The following TNR variants were observed in gnomAD, a reference collection of about 807,000 sequenced individuals.
The protein encoded by TNR is tenascin-R.
Under a neutral mutation model 150.4 loss-of-function variants are expected in TNR, and 45 were observed. The ratio of observed to expected loss-of-function variants is 0.30; its 90% confidence interval spans 0.24 to 0.38. TNR has a LOEUF of 0.38. TNR is among the 10% of genes least tolerant of loss of function. TNR has a pLI of 1.00. For missense variants in TNR, 1,544 were observed against 1,759.1 expected (o/e 0.88, Z 2.19); for synonymous variants, 687 against 678.4 (o/e 1.01, Z -0.20).
intron 1 of TNR, among the ~76,000 whole-genome samples, chr1:175,673,666 A>T (rs1394123295): frequency 6.6e-6 from 1 of 152,364 alleles, no homozygotes; most frequent in Admixed American, 6.5e-5. Flanking sequence ...GGGCCTCACA[A>T]TCGAAGTGAG....
intron 3 of TNR, among the ~76,000 whole-genome samples, chr1:175,404,862 C>T (rs1653875789): frequency 6.6e-6 from 1 of 152,210 alleles, no homozygotes; most frequent in South Asian, 2.1e-4. Flanking sequence ...TGGACTTGCT[C>T]TTCTGTTCTG....
In TNR at chr1:175,315,816, G is replaced by GTGTGTGCA. The variant is rs1299888009; in HGVS notation, c.*7540_*7541insTGCACACA. On this transcript the variant is annotated 3_prime_UTR_variant, in exon 23 of 23. Transcript: ENST00000367674. ...TGCATGCATGTGTGTGTGTGCATGT[G>GTGTGTGCA]TGTGTGTGTGTGTGTGTGTGTGTGT... 7.4e-6 allele frequency: 1 copy of GTGTGTGCA among 134,418 alleles called. No individual in the cohort carries two copies. The highest frequency in any genetic ancestry group is 1.6e-5 in the Non-Finnish European group (1 of 64,356). The allele number at this position is 134,418 out of a possible 1,614,324, so 8.3% of individuals were successfully genotyped here. A position where few individuals can be genotyped will look rare whatever the true frequency, so the allele number is the denominator to read the frequency against.
intron 2 of TNR, among the ~76,000 whole-genome samples, chr1:175,409,654 T>C (rs114401404): frequency 0.014 from 2,131 of 152,342 alleles, 21 homozygotes; most frequent in South Asian, 0.043. Context: ...GCACTGATTA[T>C]TGATCACTTC....
intron 2 of TNR, among the ~76,000 whole-genome samples, chr1:175,467,891 C>T (rs917615043): frequency 6.6e-6 from 1 of 152,160 alleles, no homozygotes; most frequent in African/African-American, 2.4e-5. Context: ...AATGCAAATG[C>T]TAGTGAAAAA....
At chr1:175,567,983 A>G (rs1475399660) in intron 1 of TNR, among the ~76,000 whole-genome samples, 1 of 152,166 alleles carries the variant, frequency 6.6e-6, no homozygotes, top group East Asian at 1.9e-4. Flanking sequence ...ATGTCCCTAA[A>G]CCAGGGATAA....
intron 12 of TNR, 120 bp from the exon 13 acceptor site, chr1:175,363,947 C>T: frequency 8.0e-7 from 1 of 1,253,328 alleles, no homozygotes; most frequent in East Asian, 2.5e-5. Flanking sequence ...CAAGATCTTT[C>T]CATGTAATAG....
At chr1:175,558,827 T>C (rs1252407712) in intron 1 of TNR, among the ~76,000 whole-genome samples, 1 of 152,230 alleles carries the variant, frequency 6.6e-6, no homozygotes, top group East Asian at 1.9e-4. Context: ...GCAGTGAAAC[T>C]ACTTTGTGTG....
intron 1 of TNR, among the ~76,000 whole-genome samples, chr1:175,578,621 G>T (rs949184479): frequency 1.3e-5 from 2 of 152,170 alleles, no homozygotes; most frequent in Non-Finnish European, 2.9e-5. Context: ...GCTCCACCTT[G>T]GGTTCACTGC....
chr1:175,447,528 T>C (rs1016665424), intron 2 of TNR, among the ~76,000 whole-genome samples: 1 of 152,204 alleles, frequency 6.6e-6, no homozygotes, highest in African/African-American at 2.4e-5. Flanking sequence ...CTTTTGGAAC[T>C]TAGGAAACAT....
At position 175,547,609 on chromosome 1, in the gene TNR, G is replaced by C. The variant is rs765381268; in HGVS notation, c.-164-19240C>G. Among the ~76,000 whole-genome samples, 13 of 23,130 alleles carry C rather than the reference G, an allele frequency of 5.6e-4. No individual in the cohort carries two copies. The South Asian group carries it at 8.5e-3, about 15-fold the overall frequency. 15.2% of individuals were successfully genotyped at this position (23,130 alleles called of 152,430 possible). ...AGAAAGAAAGAAAGAAAGAAAGAAA[G>C]AAACAAAGAAACAAAGAAAGAAAGA... On this transcript the variant is annotated intron_variant, in intron 1 of 22. Coordinates refer to ENST00000367674, the MANE Select transcript of TNR (RefSeq NM_003285.3).
intron 2 of TNR, among the ~76,000 whole-genome samples, chr1:175,525,861 G>T (rs1160220573): frequency 6.6e-6 from 1 of 152,190 alleles, no homozygotes; most frequent in East Asian, 1.9e-4. Context: ...AGGGCAAATC[G>T]TGTTTTTAGG....
chr1:175,640,811 GATA>G (rs1664633465), intron 1 of TNR, among the ~76,000 whole-genome samples: 1 of 142,830 alleles, frequency 7.0e-6, no homozygotes, highest in Non-Finnish European at 1.5e-5. Context: ...ATATATATAT[GATA>G]ATAAGCCTTA....
At position 175,654,349 on chromosome 1, in the gene TNR, T is replaced by A. The variant is rs138211529; in HGVS notation, c.-165+88877A>T. Among the ~76,000 whole-genome samples the A allele has an allele frequency of 3.3e-4, 51 of 152,284 alleles. No individual in the cohort carries two copies. The East Asian group carries it at 9.8e-3, about 29-fold the overall frequency. ...TGTCATAGATAACATAAAGAATGCA[T>A]AAATGCAGAAGAAGTTAACCCCCCT... On this transcript the variant is annotated intron_variant, in intron 1 of 22. Coordinates refer to ENST00000367674, the MANE Select transcript of TNR (RefSeq NM_003285.3).
chr1:175,393,691 G>C (rs918477682), intron 6 of TNR, 89 bp downstream of exon 6: 2 of 1,018,346 alleles, frequency 2.0e-6, no homozygotes, highest in African/African-American at 3.1e-5. Flanking sequence ...GAGATATTGG[G>C]TAGCACTTTC....
intron 1 of TNR, among the ~76,000 whole-genome samples, chr1:175,580,037 C>G (rs893169458): frequency 8.5e-5 from 13 of 152,184 alleles, no homozygotes; most frequent in African/African-American, 3.1e-4. Flanking sequence ...CATTCACCTA[C>G]AGAGTCGACC....
chr1:175,407,333 TG>T (rs2102049756), intron 2 of TNR, among the ~76,000 whole-genome samples: 1 of 152,344 alleles, frequency 6.6e-6, no homozygotes, highest in Admixed American at 6.5e-5. Context: ...TAATAAACCT[TG>T]GGTACATTTG....
At chr1:175,602,366 G>C (rs945055866) in intron 1 of TNR, among the ~76,000 whole-genome samples, 6 of 152,178 alleles carry the variant, frequency 3.9e-5, no homozygotes, top group East Asian at 1.9e-4. Flanking sequence ...TGATTCTATA[G>C]GCCTGAGTTG....
chr1:175,668,227 T>C lies in TNR; in HGVS notation c.-165+74999A>G, dbSNP rs756489260. Among the ~76,000 whole-genome samples, 6 of 152,166 alleles carry C rather than the reference T, an allele frequency of 3.9e-5. No homozygotes were observed. The Middle Eastern group carries it at 0.02, about 518-fold the overall frequency. ...AATTTGCTTGAGGGAAATTAACAGA[T>C]AAAGTATCTTACCAGAGAAAAGAAG... On this transcript the variant is annotated intron_variant, in intron 1 of 22. Coordinates refer to ENST00000367674, the MANE Select transcript of TNR (RefSeq NM_003285.3).
chr1:175,623,556 C>T lies in TNR; in HGVS notation c.-164-95187G>A, dbSNP rs185723670. 7.9e-5 allele frequency among the ~76,000 whole-genome samples: 12 copies of T among 152,294 alleles called. No individual in the cohort carries two copies. In the East Asian group the frequency reaches 1.5e-3, roughly 20 times the overall value. On this transcript the variant is annotated intron_variant, in intron 1 of 22. Coordinates refer to ENST00000367674, the MANE Select transcript of TNR (RefSeq NM_003285.3). ...TTGCTTTTCATTCCACATCAAGCCC[C>T]GTGGGACACCCACACTAACCTCTAC... is the stretch of plus-strand genomic sequence containing the variant.
Sources: gnomAD v4.1 joint callset for allele counts (sites outside exome capture counted in the v4.1 genomes callset) on GRCh38, gnomAD v4.1.1 for gene constraint, MANE v1.5 for transcripts, NCBI Gene and HGNC (gene_info 2026-07-23, HGNC 2026-07-21) for gene names.